FOCAD: variants seen among roughly 807,000 people sequenced by gnomAD.
FOCAD encodes KIAA1797.
A neutral mutation model predicts 225.6 loss-of-function variants in FOCAD; 198 were observed. The ratio of observed to expected loss-of-function variants is 0.88; its 90% confidence interval spans 0.78 to 0.99. FOCAD has a LOEUF of 0.99. Ranked by LOEUF, FOCAD falls within the 50% of genes least tolerant of loss-of-function variation. The pLI is 0.00. For synonymous variants in FOCAD, 897 were observed against 755.0 expected (o/e 1.19, Z -3.08); for missense variants, 2,713 against 2,123.6 (o/e 1.28, Z -5.46).
At chr9:20,943,001 A>AAT (rs1211584751) in intron 28 of FOCAD, among the ~76,000 whole-genome samples, 1 of 152,240 alleles carries the variant, frequency 6.6e-6, no homozygotes, top group African/African-American at 2.4e-5. Context: ...TCTAAGTATT[A>AAT]ATCAAATTTT....
At position 20,993,444 on chromosome 9, in the gene FOCAD, A is replaced by G. The variant is rs1476420150; in HGVS notation, c.5332+116A>G. On this transcript the variant is annotated intron_variant, in intron 43 of 43. Coordinates refer to ENST00000338382, the MANE Select transcript of FOCAD (RefSeq NM_001375567.1). ...GTATCTCTTACCCGAAATGCTTGGG[A>G]CCAGAGGTGTTTTGGATTTTGGATG... 4.8e-6 allele frequency: 4 copies of G among 835,754 alleles called. No individual in the cohort carries two copies. The African/African-American group carries it at 6.9e-5, about 14-fold the overall frequency. 51.8% of individuals were successfully genotyped at this position (835,754 alleles called of 1,614,324 possible).
chr9:20,933,044 T>G lies in FOCAD; in HGVS notation c.3348T>G (p.Leu1116=). 1 of 1,614,014 alleles carries G rather than the reference T, an allele frequency of 6.2e-7. No homozygotes were observed. The highest frequency in any genetic ancestry group is 8.5e-7 in the Non-Finnish European group (1 of 1,179,902). Residue 1116 remains leucine (L), a synonymous_variant, in exon 28 of 44, where the codon CTT becomes CTG. Coordinates refer to ENST00000338382, the MANE Select transcript of FOCAD (RefSeq NM_001375567.1). ...TATCTGGCCAAGAGATGAACCTTCT[T>G]CTGATGAAGTCGTTGGATGCCCTGG... is the stretch of plus-strand genomic sequence containing the variant. ...SDISGQEMNL[L]LMKSLDALEN...
intron 24 of FOCAD, among the ~76,000 whole-genome samples, chr9:20,919,051 G>A (rs547231781): frequency 8.5e-5 from 13 of 152,168 alleles, no homozygotes; most frequent in African/African-American, 3.1e-4. Flanking sequence ...ACCAATCATG[G>A]GATGATCCTG....
intron 12 of FOCAD, 57 bp downstream of exon 12, chr9:20,819,957 A>G: frequency 9.4e-7 from 1 of 1,069,238 alleles, no homozygotes; most frequent in Non-Finnish European, 1.4e-6. Context: ...TAATACTTTG[A>G]ATTCTTTTTG....
chr9:20,972,153 A>G (rs1839823677), intron 35 of FOCAD, among the ~76,000 whole-genome samples: 1 of 152,010 alleles, frequency 6.6e-6, no homozygotes, highest in South Asian at 2.1e-4. Context: ...TCTAGTTATA[A>G]TTTTCTATTT....
At chr9:20,778,113 A>AAAAAAAAAAAAT in intron 8 of FOCAD, among the ~76,000 whole-genome samples, 1 of 150,254 alleles carries the variant, frequency 6.7e-6, no homozygotes. Flanking sequence ...AAAAAAAAAA[A>AAAAAAAAAAAAT]GATTGACTGT....
intron 27 of FOCAD, among the ~76,000 whole-genome samples, chr9:20,932,628 T>A (rs922480354): frequency 1.3e-5 from 2 of 152,250 alleles, no homozygotes; most frequent in African/African-American, 4.8e-5. Context: ...GAATGATTAT[T>A]GATAATGTCA....
At chr9:20,858,145 G>C (rs1828390519) in intron 15 of FOCAD, among the ~76,000 whole-genome samples, 1 of 151,796 alleles carries the variant, frequency 6.6e-6, no homozygotes, top group Admixed American at 6.6e-5. Context: ...TCTATTTTTT[G>C]GAATAATTTG....
intron 2 of FOCAD, among the ~76,000 whole-genome samples, chr9:20,665,156 T>G (rs995483204): frequency 1.3e-5 from 2 of 152,132 alleles, no homozygotes; most frequent in African/African-American, 4.8e-5. Context: ...GCTTAGAGAC[T>G]GCTAAAGAAA....
chr9:20,772,673 T>C (rs1818354228), intron 8 of FOCAD, among the ~76,000 whole-genome samples: 1 of 151,726 alleles, frequency 6.6e-6, no homozygotes, highest in Non-Finnish European at 1.5e-5. Flanking sequence ...AGGGTGGTGG[T>C]GGTTGGGGGG....
intron 11 of FOCAD, among the ~76,000 whole-genome samples, chr9:20,812,147 C>T (rs534396357): frequency 9.9e-5 from 15 of 152,130 alleles, no homozygotes; most frequent in African/African-American, 3.6e-4. Flanking sequence ...TTTTATAAAA[C>T]ATGACTCTGA....
In FOCAD at chr9:20,944,784, G is replaced by A. The variant is rs756728015; in HGVS notation, c.3555+10G>A. The A allele has an allele frequency of 3.1e-6, 5 of 1,603,770 alleles. No homozygotes were observed. Among genetic ancestry groups the A allele is most frequent in the African/African-American group, 2.7e-5 (2 of 74,712 alleles). On this transcript the variant is annotated intron_variant, in intron 29 of 43. Transcript: ENST00000338382. Reference sequence around the variant, plus strand: ...CAGAACGTTTCAGGAGGTAAGAGATGGAGGCTACATTTTTTTCCCCTCTGC... The same window carrying A: ...CAGAACGTTTCAGGAGGTAAGAGATAGAGGCTACATTTTTTTCCCCTCTGC...
chr9:20,733,527 C>A (rs541936800), intron 4 of FOCAD, among the ~76,000 whole-genome samples: 88 of 152,184 alleles, frequency 5.8e-4, no homozygotes, highest in South Asian at 1.9e-3. Flanking sequence ...CCACAACAGT[C>A]CCCAGATTGT....
At chr9:20,784,358 G>A (rs936870959) in intron 10 of FOCAD, among the ~76,000 whole-genome samples, 6 of 152,190 alleles carry the variant, frequency 3.9e-5, no homozygotes, top group Non-Finnish European at 7.3e-5. Context: ...TAGACCAGAG[G>A]GCAAAGGAGA....
At chr9:20,707,550 A>G (rs1410239986) in intron 1 of FOCAD, among the ~76,000 whole-genome samples, 3 of 152,220 alleles carry the variant, frequency 2.0e-5, no homozygotes, top group Non-Finnish European at 4.4e-5. Context: ...TATGTATTAT[A>G]TATACTGTGT....
intron 11 of FOCAD, among the ~76,000 whole-genome samples, chr9:20,803,228 G>T (rs976478962): frequency 1.3e-5 from 2 of 152,054 alleles, no homozygotes; most frequent in Non-Finnish European, 2.9e-5. Context: ...AGGATTGCTG[G>T]GGAAAGTTGC....
At chr9:20,713,609 C>G (rs1275914575) in intron 1 of FOCAD, among the ~76,000 whole-genome samples, 2 of 152,108 alleles carry the variant, frequency 1.3e-5, no homozygotes, top group Non-Finnish European at 2.9e-5. Context: ...ACTGTAAGCT[C>G]CATAAATGCA....
At chr9:20,818,479 G>A (rs1823970714) in intron 11 of FOCAD, among the ~76,000 whole-genome samples, 1 of 151,976 alleles carries the variant, frequency 6.6e-6, no homozygotes, top group Non-Finnish European at 1.5e-5. Flanking sequence ...TTTTCTTTAA[G>A]AGTGTTATAG....
At chr9:20,943,100 A>G (rs559561068) in intron 28 of FOCAD, among the ~76,000 whole-genome samples, 2 of 152,352 alleles carry the variant, frequency 1.3e-5, no homozygotes, top group South Asian at 2.1e-4. Context: ...TAGATTCTAA[A>G]TAATAGCAAA....
Sources: allele counts gnomAD v4.1 joint callset (sites outside exome capture counted in the v4.1 genomes callset), GRCh38; gene constraint gnomAD v4.1.1; transcripts MANE v1.5; gene names NCBI Gene and HGNC (gene_info 2026-07-23, HGNC 2026-07-21).